Variants in TEAD1 observed in about 807,000 individuals in gnomAD.
TEAD1 encodes the protein transcriptional enhancer factor TEF-1.
A neutral mutation model predicts 54.9 loss-of-function variants in TEAD1; 9 were observed. The ratio of observed to expected loss-of-function variants is 0.16; its 90% CI spans 0.10 to 0.29. The LOEUF is 0.29. Ranked by LOEUF, TEAD1 falls within the 10% of genes least tolerant of loss-of-function variation. The pLI, the probability that TEAD1 is intolerant of heterozygous loss-of-function variation, is 1.00. For missense variants in TEAD1, 387 were observed against 535.9 expected, an observed-to-expected ratio of 0.72 and a Z score of 2.74; for synonymous variants, 200 against 187.8, an observed-to-expected ratio of 1.07 and a Z score of -0.53.
At chr11:12,747,776 T>A (rs1211873620) in intron 2 of TEAD1, among the ~76,000 whole-genome samples, 1 of 152,230 alleles carries the variant, frequency 6.6e-6, no homozygotes, top group Non-Finnish European at 1.5e-5. Context: ...CTTTCATGGA[T>A]CATCTCATTT....
intron 3 of TEAD1, among the ~76,000 whole-genome samples, chr11:12,802,923 C>G (rs1022985266): frequency 1.1e-4 from 17 of 152,154 alleles, no homozygotes; most frequent in African/African-American, 4.1e-4. Context: ...ACCTGAAGGG[C>G]TTTTCACTGC....
At chr11:12,867,637 A>G (rs1465074597) in intron 5 of TEAD1, among the ~76,000 whole-genome samples, 1 of 152,168 alleles carries the variant, frequency 6.6e-6, no homozygotes, top group Non-Finnish European at 1.5e-5. Flanking sequence ...AGCTCCATCC[A>G]TACCCCCTTG....
At chr11:12,929,943 T>C (rs1351543740) in intron 11 of TEAD1, among the ~76,000 whole-genome samples, 2 of 152,218 alleles carry the variant, frequency 1.3e-5, no homozygotes, top group Non-Finnish European at 2.9e-5. Flanking sequence ...TTCTTAAAGC[T>C]CTCATCTTTC....
intron 9 of TEAD1, among the ~76,000 whole-genome samples, chr11:12,895,199 A>C (rs926973164): frequency 4.7e-5 from 7 of 150,006 alleles, no homozygotes; most frequent in Admixed American, 6.7e-5. Flanking sequence ...TCCTTTATTA[A>C]CCCCCCCCGG....
intron 2 of TEAD1, among the ~76,000 whole-genome samples, chr11:12,684,897 A>G (rs946804152): frequency 2.6e-5 from 4 of 152,194 alleles, no homozygotes; most frequent in African/African-American, 9.7e-5. Context: ...TGCATGTTTA[A>G]GAGGATGGTT....
intron 3 of TEAD1, among the ~76,000 whole-genome samples, chr11:12,844,850 A>G (rs1343753278): frequency 1.3e-5 from 2 of 151,218 alleles, no homozygotes; most frequent in Non-Finnish European, 3.0e-5. Flanking sequence ...GAGTGAGCAA[A>G]GGGGGTAAGG....
intron 3 of TEAD1, among the ~76,000 whole-genome samples, chr11:12,860,821 T>A: frequency 6.6e-6 from 1 of 152,220 alleles, no homozygotes; most frequent in East Asian, 1.9e-4. Context: ...TAGGAAGAAG[T>A]ACAGTTTTTG....
At chr11:12,691,469 C>A (rs1375688181) in intron 2 of TEAD1, among the ~76,000 whole-genome samples, 2 of 152,140 alleles carry the variant, frequency 1.3e-5, no homozygotes, top group East Asian at 1.9e-4. Flanking sequence ...ATAATCTGCT[C>A]ACCTTTGGAA....
At chr11:12,686,862 T>G (rs1397732488) in intron 2 of TEAD1, among the ~76,000 whole-genome samples, 2 of 152,222 alleles carry the variant, frequency 1.3e-5, no homozygotes, top group East Asian at 3.8e-4. Context: ...TTAGTTATTT[T>G]GTGATGTGCC....
intron 2 of TEAD1, among the ~76,000 whole-genome samples, chr11:12,686,892 A>G (rs547396458): frequency 6.0e-4 from 92 of 152,368 alleles, no homozygotes; most frequent in African/African-American, 2.2e-3. Flanking sequence ...GACTTCGGGC[A>G]GGAGTGGAGG....
At chr11:12,831,339 T>C (rs1164141871) in intron 3 of TEAD1, among the ~76,000 whole-genome samples, 4 of 152,192 alleles carry the variant, frequency 2.6e-5, no homozygotes, top group Admixed American at 2.0e-4. Context: ...TTTCCCTGAA[T>C]TCCCCCAGTG....
intron 3 of TEAD1, among the ~76,000 whole-genome samples, chr11:12,778,337 A>G (rs745926568): frequency 6.6e-6 from 1 of 152,136 alleles, no homozygotes; most frequent in Non-Finnish European, 1.5e-5. Flanking sequence ...ATAGAAAAGA[A>G]AGAATGGGCT....
At chr11:12,813,114 A>AG (rs1270772888) in intron 3 of TEAD1, among the ~76,000 whole-genome samples, 3 of 152,164 alleles carry the variant, frequency 2.0e-5, no homozygotes, top group South Asian at 2.1e-4. Flanking sequence ...TGGAGCTGGA[A>AG]GGGAGGAGTT....
chr11:12,736,554 G>A (rs1021256938), intron 2 of TEAD1, among the ~76,000 whole-genome samples: 11 of 152,148 alleles, frequency 7.2e-5, no homozygotes, highest in Non-Finnish European at 1.5e-4. Flanking sequence ...TAAAAAATGT[G>A]CGTCTATGAA....
At chr11:12,890,548 T>A (rs1948178186) in intron 9 of TEAD1, among the ~76,000 whole-genome samples, 1 of 152,198 alleles carries the variant, frequency 6.6e-6, no homozygotes, top group African/African-American at 2.4e-5. Context: ...CCAGTCTGTC[T>A]TAAGTGGACA....
chr11:12,676,850 T>TA lies in TEAD1; in HGVS notation c.-55+1295dup, dbSNP rs143840732. On this transcript the variant is annotated intron_variant, in intron 2 of 12. Transcript: ENST00000527636. ...ACAATTCTTTTATTTATTGTTGGTA[T>TA]AAAAAATGAACTGATGATAAGCTAT... Among the ~76,000 whole-genome samples the TA allele has an allele frequency of 6.7e-3, 1,013 of 152,322 alleles. 8 individuals carry two copies. The highest frequency in any genetic ancestry group is 0.023 in the African/African-American group (961 of 41,564).
chr11:12,713,953 T>C (rs896858758), intron 2 of TEAD1, among the ~76,000 whole-genome samples: 1 of 152,222 alleles, frequency 6.6e-6, no homozygotes, highest in Non-Finnish European at 1.5e-5. Context: ...TTTTCCCTCA[T>C]GCCTCACTTT....
At chr11:12,813,908 T>C (rs755482783) in intron 3 of TEAD1, among the ~76,000 whole-genome samples, 1 of 152,168 alleles carries the variant, frequency 6.6e-6, no homozygotes, top group Non-Finnish European at 1.5e-5. Flanking sequence ...GGATGGGGTG[T>C]AGCCTGTGTC....
intron 3 of TEAD1, among the ~76,000 whole-genome samples, chr11:12,799,876 A>G (rs1946013917): frequency 6.6e-6 from 1 of 152,174 alleles, no homozygotes; most frequent in Non-Finnish European, 1.5e-5. Context: ...CCTGTATGGT[A>G]GAAGATGTGA....
Sources: gnomAD v4.1 joint callset for allele counts (sites outside exome capture counted in the v4.1 genomes callset) on GRCh38, gnomAD v4.1.1 for gene constraint, MANE v1.5 for transcripts, NCBI Gene and HGNC (gene_info 2026-07-23, HGNC 2026-07-21) for gene names.